ZNF560: variants seen among roughly 807,000 people sequenced by gnomAD.
The protein encoded by ZNF560 is zinc finger protein 560.
Under a neutral mutation model 81.8 loss-of-function variants are expected in ZNF560, and 54 were observed. The ratio of observed to expected loss-of-function variants is 0.66; its 90% CI spans 0.53 to 0.83. The LOEUF (loss-of-function observed/expected upper bound fraction) is 0.83. Among genes scored for constraint, ZNF560 ranks in the 40% least tolerant of loss-of-function variants. ZNF560 has a pLI of 0.00. For missense variants in ZNF560, 940 were observed against 932.4 expected (o/e 1.01, Z -0.11); for synonymous variants, 321 against 317.9 (o/e 1.01, Z -0.10).
At chr19:9,486,548 T>C (rs2073387118) in intron 2 of ZNF560, among the ~76,000 whole-genome samples, 2 of 152,172 alleles carry the variant, frequency 1.3e-5, no homozygotes, top group Non-Finnish European at 2.9e-5. Context: ...GAAACCAGCC[T>C]GGCCAACATG....
intron 5 of ZNF560, 102 bp downstream of exon 5, chr19:9,473,077 C>T (rs1362538060): frequency 1.1e-6 from 1 of 908,544 alleles, no homozygotes; most frequent in East Asian, 2.5e-5. Context: ...ATAAATCACC[C>T]AGTCTCAGGT....
At chr19:9,473,140 ACTT>A (rs773007275) in intron 5 of ZNF560, 36 bp downstream of exon 5, 30 of 1,521,410 alleles carry the variant, frequency 2.0e-5, no homozygotes, top group Non-Finnish European at 2.6e-5. Context: ...AACATACTGA[ACTT>A]CTCACTGACC....
In ZNF560 at chr19:9,468,427, G is replaced by A. The variant is rs1327694688; in HGVS notation, c.613-93C>T. On this transcript the variant is annotated intron_variant, in intron 9 of 9. Transcript: ENST00000301480. ...AAGAAACATGATAATTATTATTTTT[G>A]CCACTTTTATAACATGCATATAGTT... The A allele has an allele frequency of 7.8e-6, 8 of 1,021,932 alleles. No individual in the cohort carries two copies. The African/African-American group carries it at 9.8e-5, about 13-fold the overall frequency. 63.3% of individuals were successfully genotyped at this position (1,021,932 alleles called of 1,614,324 possible). A position where few individuals can be genotyped will look rare whatever the true frequency, so the allele number is the denominator to read the frequency against.
chr19:9,494,146 A>G (rs1001806653), intron 2 of ZNF560, among the ~76,000 whole-genome samples: 36 of 151,856 alleles, frequency 2.4e-4, no homozygotes, highest in African/African-American at 4.8e-4. Flanking sequence ...AAAAAAAAAA[A>G]AAAGAAATTA....
intron 4 of ZNF560, 147 bp downstream of exon 4, chr19:9,474,052 T>G: frequency 1.1e-6 from 1 of 890,364 alleles, no homozygotes; most frequent in Non-Finnish European, 1.8e-6. Context: ...GACCACACTT[T>G]GAAAACGACC....
chr19:9,494,643 G>A (rs748064057), intron 2 of ZNF560, among the ~76,000 whole-genome samples: 10 of 151,868 alleles, frequency 6.6e-5, no homozygotes, highest in Non-Finnish European at 1.3e-4. Context: ...AGATGAGGCA[G>A]GAGAATTGCT....
At chr19:9,479,192 AAAAG>A (rs956753759) in intron 2 of ZNF560, among the ~76,000 whole-genome samples, 13 of 152,048 alleles carry the variant, frequency 8.5e-5, no homozygotes, top group Admixed American at 8.5e-4. Context: ...TGGAAAAAAA[AAAAG>A]AAAGAAAACT....
At chr19:9,503,098 G>A (rs979320063), upstream of ZNF560, among the ~76,000 whole-genome samples, 1 of 151,978 alleles carries the variant, frequency 6.6e-6, no homozygotes. Flanking sequence ...GCTCACACCT[G>A]TACTCCCAGC....
intron 2 of ZNF560, among the ~76,000 whole-genome samples, chr19:9,480,841 T>C (rs2073276441): frequency 6.6e-6 from 1 of 152,070 alleles, no homozygotes; most frequent in African/African-American, 2.4e-5. Flanking sequence ...ATCTCAGCAT[T>C]TTGGGAGGCC....
the ZNF560 span, among the ~76,000 whole-genome samples, chr19:9,459,015 G>T: frequency 1.3e-5 from 2 of 152,212 alleles, no homozygotes; most frequent in African/African-American, 4.8e-5. Flanking sequence ...GTGTTTTGTG[G>T]TGATGGGCAT....
chr19:9,493,892 GA>G (rs2073511575), intron 2 of ZNF560, among the ~76,000 whole-genome samples: 1 of 151,934 alleles, frequency 6.6e-6, no homozygotes, highest in African/African-American at 2.4e-5. Flanking sequence ...CAGCACTTTG[GA>G]AGGCCGAGGT....
downstream of ZNF560, among the ~76,000 whole-genome samples, chr19:9,463,932 C>T (rs1293552360): frequency 6.6e-6 from 1 of 152,190 alleles, no homozygotes; most frequent in Admixed American, 6.5e-5. Context: ...ATCCGCCTGA[C>T]TTGGCCTCCC....
chr19:9,460,235 G>A, the ZNF560 span, among the ~76,000 whole-genome samples: 1 of 152,176 alleles, frequency 6.6e-6, no homozygotes, highest in Non-Finnish European at 1.5e-5. Flanking sequence ...ACCCCCAACT[G>A]TCACGAGCAA....
upstream of ZNF560, among the ~76,000 whole-genome samples, chr19:9,502,817 CTAATTT>C (rs1225794658): frequency 6.6e-6 from 1 of 152,000 alleles, no homozygotes; most frequent in Non-Finnish European, 1.5e-5. Flanking sequence ...AGTTTCATTT[CTAATTT>C]TAATTATTTG....
In ZNF560 at chr19:9,466,355, AGAGAG is replaced by A. The variant is rs1270664802; in HGVS notation, c.*214_*218del. ...AGTGAGACTCATCAAAAAAAAAAAA[AGAGAG>A]AGAGAAGAACTAGTGTTTTCCTACA... On this transcript the variant is annotated 3_prime_UTR_variant, in exon 10 of 10. Transcript: ENST00000301480. Among the ~76,000 whole-genome samples, 4 of 139,158 alleles carry A rather than the reference AGAGAG, an allele frequency of 2.9e-5. No homozygotes were observed. In the South Asian group the frequency reaches 6.3e-4, roughly 22 times the overall value. 91.3% of individuals were successfully genotyped at this position (139,158 alleles called of 152,430 possible).
intron 9 of ZNF560, among the ~76,000 whole-genome samples, chr19:9,468,646 T>C (rs2073072357): frequency 1.3e-5 from 2 of 152,088 alleles, no homozygotes; most frequent in African/African-American, 2.4e-5. Context: ...AGGTATGGGA[T>C]CTCTCTCCAG....
downstream of ZNF560, among the ~76,000 whole-genome samples, chr19:9,465,368 G>C (rs1423242268): frequency 6.6e-6 from 1 of 152,088 alleles, no homozygotes; most frequent in African/African-American, 2.4e-5. Context: ...TCGATCTCTT[G>C]ACCTCGTGAT....
chr19:9,500,514 C>T (rs546554225), upstream of ZNF560, among the ~76,000 whole-genome samples: 10 of 151,946 alleles, frequency 6.6e-5, no homozygotes, highest in Admixed American at 2.0e-4. Flanking sequence ...TTGAATATCA[C>T]GTTAGCTGTG....
chr19:9,452,106 A>G, the ZNF560 span, among the ~76,000 whole-genome samples: 2 of 152,168 alleles, frequency 1.3e-5, no homozygotes, highest in Non-Finnish European at 2.9e-5. Flanking sequence ...GGCAGGGCAA[A>G]AGAACATAAA....
Sources: gnomAD v4.1 joint callset for allele counts (sites outside exome capture counted in the v4.1 genomes callset) on GRCh38, gnomAD v4.1.1 for gene constraint, MANE v1.5 for transcripts, NCBI Gene and HGNC (gene_info 2026-07-23, HGNC 2026-07-21) for gene names.